Variants in RTN1 observed in about 807,000 individuals in gnomAD.
The protein encoded by RTN1 is reticulon-1.
In RTN1, 25 loss-of-function variants were observed where a neutral mutation model predicts 65.5. The observed-to-expected ratio is 0.38, with a 90% confidence interval of 0.28 to 0.53. The LOEUF (loss-of-function observed/expected upper bound fraction) is 0.53, where lower values mean the gene tolerates loss of function less well. Among genes scored for constraint, RTN1 ranks in the 20% least tolerant of loss-of-function variants. The pLI is 0.79. For missense variants in RTN1, 983 were observed against 1,025.4 expected (o/e 0.96, Z 0.57); for synonymous variants, 471 against 447.6 (o/e 1.05, Z -0.66).
At chr14:59,613,073 C>G (rs1349393124) in intron 3 of RTN1, among the ~76,000 whole-genome samples, 1 of 152,156 alleles carries the variant, frequency 6.6e-6, no homozygotes, top group Non-Finnish European at 1.5e-5. Context: ...ATTTTCCTTT[C>G]TTTGAACTAC....
chr14:59,864,395 T>C (rs1490440052), intron 1 of RTN1, among the ~76,000 whole-genome samples: 1 of 152,204 alleles, frequency 6.6e-6, no homozygotes, highest in African/African-American at 2.4e-5. Context: ...CCTTCAAGTC[T>C]GTGCTTTAAA....
chr14:59,749,378 C>CTATATCTATA lies in RTN1; in HGVS notation c.242-2907_242-2898dup, dbSNP rs1474052135. On this transcript the variant is annotated intron_variant, in intron 1 of 8. Coordinates refer to ENST00000267484, the MANE Select transcript of RTN1 (RefSeq NM_021136.3). Reference sequence around the variant, plus strand: ...TATATCTATATATATATCTATATATCTATATCTATATATATCTATATATAT... The same window carrying CTATATCTATA: ...TATATCTATATATATATCTATATATCTATATCTATATATATCTATATATATCTATATATAT... Among the ~76,000 whole-genome samples the CTATATCTATA allele has an allele frequency of 2.2e-4, 7 of 32,442 alleles. No individual in the cohort carries two copies. The South Asian group carries it at 5.5e-3, about 25-fold the overall frequency. 21.3% of individuals were successfully genotyped at this position (32,442 alleles called of 152,430 possible). A position where few individuals can be genotyped will look rare whatever the true frequency, so the allele number is the denominator to read the frequency against.
chr14:59,639,199 G>C lies in RTN1; in HGVS notation c.1766-31707C>G, dbSNP rs1018028145. 2.0e-5 allele frequency among the ~76,000 whole-genome samples: 3 copies of C among 152,252 alleles called. No individual in the cohort carries two copies. In the East Asian group the frequency reaches 5.8e-4, roughly 29 times the overall value. Reference sequence around the variant, plus strand: ...TTGATTAAGTTAGCCATCTTCTATAGGTGCAGTTTGTGGCACCCCAAAATA... The same window carrying C: ...TTGATTAAGTTAGCCATCTTCTATACGTGCAGTTTGTGGCACCCCAAAATA... On this transcript the variant is annotated intron_variant, in intron 3 of 8. Coordinates refer to ENST00000267484, the MANE Select transcript of RTN1 (RefSeq NM_021136.3).
intron 1 of RTN1, among the ~76,000 whole-genome samples, chr14:59,845,112 C>T (rs539450281): frequency 2.6e-5 from 4 of 152,204 alleles, no homozygotes; most frequent in South Asian, 4.1e-4. Context: ...CTGCAGCAAT[C>T]GAAAATTTAA....
At chr14:59,612,268 A>C (rs1881973702) in intron 3 of RTN1, among the ~76,000 whole-genome samples, 1 of 152,180 alleles carries the variant, frequency 6.6e-6, no homozygotes, top group African/African-American at 2.4e-5. Context: ...TCTCTTGTAA[A>C]GTGGCTGGAA....
intron 3 of RTN1, among the ~76,000 whole-genome samples, chr14:59,678,289 T>C (rs1883670670): frequency 6.6e-6 from 1 of 152,200 alleles, no homozygotes; most frequent in African/African-American, 2.4e-5. Flanking sequence ...GAAAATGGCC[T>C]AGCTCAATCA....
At chr14:59,651,598 C>G (rs1883020972) in intron 3 of RTN1, among the ~76,000 whole-genome samples, 1 of 152,076 alleles carries the variant, frequency 6.6e-6, no homozygotes, top group East Asian at 1.9e-4. Context: ...ATTAGCTGAG[C>G]ATGGTAGCAG....
intron 3 of RTN1, among the ~76,000 whole-genome samples, chr14:59,625,244 T>G (rs1332416305): frequency 6.6e-6 from 1 of 152,192 alleles, no homozygotes; most frequent in Non-Finnish European, 1.5e-5. Flanking sequence ...ATGAAACAAG[T>G]ATTCACAGAA....
At chr14:59,763,083 A>G (rs1885780026) in intron 1 of RTN1, among the ~76,000 whole-genome samples, 1 of 152,234 alleles carries the variant, frequency 6.6e-6, no homozygotes. Context: ...CCTGGAATTC[A>G]GGACATATCA....
Position 59,596,799 on chromosome 14 carries a change from G to T in RTN1, c.2289-12C>A. ...TTTTAGCCTGAATCCTAAAAAGACA[G>T]TATCAAAAGGTAGTAAATCACAAGT... On this transcript the variant is annotated splice_polypyrimidine_tract_variant and intron_variant, in intron 8 of 8. Transcript: ENST00000267484. 1 of 1,604,138 alleles carries T rather than the reference G, an allele frequency of 6.2e-7. No individual in the cohort carries two copies. The highest frequency in any genetic ancestry group is 8.5e-7 in the Non-Finnish European group (1 of 1,171,102).
In RTN1 at chr14:59,829,268, CATGAGT is replaced by C. The variant is rs1423984795; in HGVS notation, c.241+41116_241+41121del. Reference sequence around the variant, plus strand: ...CTGGCAGATGAGCAATAAAAATATACATGAGTATAATACAGGGAAAAACATGCTGTT... The same window carrying C: ...CTGGCAGATGAGCAATAAAAATATACATAATACAGGGAAAAACATGCTGTT... On this transcript the variant is annotated intron_variant, in intron 1 of 8. Coordinates refer to ENST00000267484, the MANE Select transcript of RTN1 (RefSeq NM_021136.3). The surrounding 1 kb of genome is among the most constrained non-coding windows in gnomAD (Gnocchi z 4.3). Among the ~76,000 whole-genome samples the C allele has an allele frequency of 9.9e-5, 15 of 152,264 alleles. No individual in the cohort carries two copies. Among genetic ancestry groups the C allele is most frequent in the African/African-American group, 3.4e-4 (14 of 41,548 alleles).
chr14:59,695,293 T>A (rs1018454635), intron 3 of RTN1, among the ~76,000 whole-genome samples: 1 of 152,138 alleles, frequency 6.6e-6, no homozygotes, highest in Non-Finnish European at 1.5e-5. Context: ...GGTGAGGATG[T>A]GAACAAACAA....
At chr14:59,712,466 G>T (rs1884443569) in intron 3 of RTN1, among the ~76,000 whole-genome samples, 1 of 152,116 alleles carries the variant, frequency 6.6e-6, no homozygotes, top group Non-Finnish European at 1.5e-5. Context: ...GAGGCAACCT[G>T]TCCCACAATA....
chr14:59,629,773 G>T (rs886788574), intron 3 of RTN1, among the ~76,000 whole-genome samples: 1 of 151,894 alleles, frequency 6.6e-6, no homozygotes, highest in Non-Finnish European at 1.5e-5. Flanking sequence ...TTATACCAAG[G>T]GCCACGGGCA....
At chr14:59,604,838 A>G (rs1881692515) in intron 5 of RTN1, 1 of 152,246 alleles carries the variant, frequency 6.6e-6, no homozygotes, top group Admixed American at 6.5e-5. Flanking sequence ...GAACCCAGCA[A>G]ATTCAGTGAG....
intron 3 of RTN1, among the ~76,000 whole-genome samples, chr14:59,656,853 C>T (rs931294031): frequency 6.6e-6 from 1 of 152,222 alleles, no homozygotes; most frequent in African/African-American, 2.4e-5. Flanking sequence ...TTTAAACTTA[C>T]TAGGAATTCA....
chr14:59,633,681 ACGGG>A (rs1306605229), intron 3 of RTN1, among the ~76,000 whole-genome samples: 1 of 152,242 alleles, frequency 6.6e-6, no homozygotes, highest in Non-Finnish European at 1.5e-5. Flanking sequence ...TAGAGAACAG[ACGGG>A]CTTTATCTGC....
intron 3 of RTN1, among the ~76,000 whole-genome samples, chr14:59,609,328 C>CTTTTTTTTTTTTTTTTTTTTT (rs747783278): frequency 7.1e-6 from 1 of 141,722 alleles, no homozygotes. Context: ...TAATCCTTTT[C>CTTTTTTTTTTTTTTTTTTTTT]TTTTTTTTTT....
intron 3 of RTN1, among the ~76,000 whole-genome samples, chr14:59,697,466 A>T (rs546649584): frequency 1.3e-5 from 2 of 152,274 alleles, no homozygotes; most frequent in Non-Finnish European, 2.9e-5. Flanking sequence ...TCAGTGGCCC[A>T]TTAAAGGATT....
Sources: gnomAD v4.1 joint callset for allele counts (sites outside exome capture counted in the v4.1 genomes callset) on GRCh38, gnomAD v4.1.1 for gene constraint, Gnocchi (gnomAD v3.1) non-coding constraint, MANE v1.5 for transcripts, NCBI Gene and HGNC (gene_info 2026-07-23, HGNC 2026-07-21) for gene names.